The following PTK2B variants were observed in gnomAD, a reference collection of about 807,000 sequenced individuals.
PTK2B encodes the protein protein-tyrosine kinase 2-beta.
PTK2B carries 71 observed loss-of-function variants against 142.9 expected under a neutral mutation model. The observed-to-expected ratio is 0.50, with a 90% CI of 0.41 to 0.61. The LOEUF (loss-of-function observed/expected upper bound fraction) is 0.61, where lower values mean the gene tolerates loss of function less well. PTK2B is among the 20% of genes least tolerant of loss of function. PTK2B has a pLI of 0.00. For missense variants in PTK2B, 1,105 were observed against 1,320.4 expected, an observed-to-expected ratio of 0.84 and a Z score of 2.53; for synonymous variants, 519 against 503.4, an observed-to-expected ratio of 1.03 and a Z score of -0.42.
chr8:27,394,125 A>G (rs1807894594), intron 1 of PTK2B, among the ~76,000 whole-genome samples: 1 of 152,160 alleles, frequency 6.6e-6, no homozygotes, highest in Non-Finnish European at 1.5e-5. Context: ...GGTAATTATA[A>G]CACAATTGAG....
chr8:27,311,036 G>C, upstream of PTK2B: 1 of 1,602,460 alleles, frequency 6.2e-7, no homozygotes, highest in Non-Finnish European at 8.5e-7. Flanking sequence ...GCGCAGGTCG[G>C]CGGGTGACGC....
intron 2 of PTK2B, 62 bp downstream of exon 2, chr8:27,397,850 G>A: frequency 6.3e-7 from 1 of 1,581,736 alleles, no homozygotes; most frequent in Non-Finnish European, 8.7e-7. Flanking sequence ...CTGGGCAGCT[G>A]AGCAGCTCTC....
chr8:27,453,917 G>T (rs1811978805), intron 28 of PTK2B: 1 of 516,236 alleles, frequency 1.9e-6, no homozygotes. Context: ...CCAGGTGGTG[G>T]TTCTAATAGT....
intron 1 of PTK2B, among the ~76,000 whole-genome samples, chr8:27,343,015 T>C (rs550278557): frequency 1.1e-4 from 17 of 152,288 alleles, no homozygotes; most frequent in Non-Finnish European, 1.9e-4. Context: ...ACCCCTGAGC[T>C]GATGTGGCCG....
At chr8:27,456,121 A>T (rs1441468373) in intron 30 of PTK2B, among the ~76,000 whole-genome samples, 1 of 152,224 alleles carries the variant, frequency 6.6e-6, no homozygotes, top group African/African-American at 2.4e-5. Context: ...TCATTCATTC[A>T]TTCATTCATC....
intron 1 of PTK2B, among the ~76,000 whole-genome samples, chr8:27,361,726 G>A (rs1805717900): frequency 6.6e-6 from 1 of 152,106 alleles, no homozygotes; most frequent in South Asian, 2.1e-4. Context: ...CCCAGGGGTG[G>A]TGGTTGTGGC....
chr8:27,389,406 AAG>A (rs1807571997), intron 1 of PTK2B, among the ~76,000 whole-genome samples: 1 of 152,196 alleles, frequency 6.6e-6, no homozygotes, highest in Admixed American at 6.5e-5. Context: ...TTGAAGAACT[AAG>A]AGAAGAATGG....
chr8:27,343,422 C>T (rs1316016988), intron 1 of PTK2B, among the ~76,000 whole-genome samples: 1 of 152,192 alleles, frequency 6.6e-6, no homozygotes, highest in African/African-American at 2.4e-5. Context: ...TGAAATGAAG[C>T]CACTGGTGTT....
chr8:27,343,512 G>T (rs187924711), intron 1 of PTK2B, among the ~76,000 whole-genome samples: 1 of 152,276 alleles, frequency 6.6e-6, no homozygotes, highest in East Asian at 1.9e-4. Context: ...AACTGTCTGG[G>T]AATGACTGCC....
intron 1 of PTK2B, among the ~76,000 whole-genome samples, chr8:27,364,677 C>A (rs1485478329): frequency 2.6e-5 from 4 of 152,214 alleles, no homozygotes; most frequent in African/African-American, 9.6e-5. Context: ...TGAGTGATCC[C>A]AGAACCTTCC....
intron 1 of PTK2B, among the ~76,000 whole-genome samples, chr8:27,392,796 C>T (rs952959257): frequency 1.3e-5 from 2 of 152,128 alleles, no homozygotes; most frequent in African/African-American, 4.8e-5. Flanking sequence ...GTTTTGGGTG[C>T]ACTTGAGGAA....
At chr8:27,341,456 A>T (rs758802295) in intron 1 of PTK2B, among the ~76,000 whole-genome samples, 11 of 152,200 alleles carry the variant, frequency 7.2e-5, no homozygotes, top group Non-Finnish European at 1.3e-4. Flanking sequence ...CATCAGAGAG[A>T]TTCAGATAAG....
chr8:27,382,367 A>G (rs1355035000), intron 1 of PTK2B, among the ~76,000 whole-genome samples: 9 of 152,076 alleles, frequency 5.9e-5, no homozygotes, highest in Non-Finnish European at 1.0e-4. Flanking sequence ...CCCTTGTTGG[A>G]TGAACGGTTT....
intron 1 of PTK2B, among the ~76,000 whole-genome samples, chr8:27,330,595 A>C (rs1157828001): frequency 6.6e-6 from 1 of 152,154 alleles, no homozygotes; most frequent in African/African-American, 2.4e-5. Flanking sequence ...TGGGCCTCCT[A>C]ACTCTGTGTA....
At chr8:27,380,058 T>G (rs1055977521) in intron 1 of PTK2B, among the ~76,000 whole-genome samples, 1 of 152,104 alleles carries the variant, frequency 6.6e-6, no homozygotes, top group Non-Finnish European at 1.5e-5. Context: ...TTTTTTGATG[T>G]TGTTTTTGTT....
intron 24 of PTK2B, among the ~76,000 whole-genome samples, chr8:27,447,497 G>T (rs1445568741): frequency 6.6e-6 from 1 of 152,220 alleles, no homozygotes; most frequent in African/African-American, 2.4e-5. Context: ...GAGTCTGTGG[G>T]ATGCCATACC....
At chr8:27,394,973 G>T (rs1807953366) in intron 1 of PTK2B, among the ~76,000 whole-genome samples, 1 of 152,124 alleles carries the variant, frequency 6.6e-6, no homozygotes, top group South Asian at 2.1e-4. Context: ...CTCTTCAGGG[G>T]CAGTAACAGA....
intron 1 of PTK2B, among the ~76,000 whole-genome samples, chr8:27,358,547 C>T (rs1287599195): frequency 1.3e-5 from 2 of 151,978 alleles, no homozygotes; most frequent in African/African-American, 4.8e-5. Flanking sequence ...CTTTTGATGT[C>T]TTAATGTTTT....
At chr8:27,360,132 T>C (rs1221441735) in intron 1 of PTK2B, among the ~76,000 whole-genome samples, 1 of 152,236 alleles carries the variant, frequency 6.6e-6, no homozygotes, top group Non-Finnish European at 1.5e-5. Flanking sequence ...TAGGTCTGTC[T>C]ATTACAGGAC....
Sources: gnomAD v4.1 joint callset for allele counts (sites outside exome capture counted in the v4.1 genomes callset) on GRCh38, gnomAD v4.1.1 for gene constraint, MANE v1.5 for transcripts, NCBI Gene and HGNC (gene_info 2026-07-23, HGNC 2026-07-21) for gene names.